The following ABI2 variants were observed in gnomAD, a reference collection of about 807,000 sequenced individuals.
ABI2 encodes abelson interactor 2.
A neutral mutation model predicts 59.2 loss-of-function variants in ABI2; 25 were observed. The observed-to-expected ratio is 0.42, with a 90% CI of 0.31 to 0.59. The LOEUF is 0.59. Among genes scored for constraint, ABI2 ranks in the 20% least tolerant of loss-of-function variants. ABI2 has a pLI of 0.14. For synonymous variants in ABI2, 213 were observed against 235.5 expected, an observed-to-expected ratio of 0.90 and a Z score of 0.87; for missense variants, 545 against 681.8, an observed-to-expected ratio of 0.80 and a Z score of 2.23.
intron 2 of ABI2, among the ~76,000 whole-genome samples, chr2:203,378,118 CTT>C (rs1454045951): frequency 7.0e-6 from 1 of 142,242 alleles, no homozygotes; most frequent in African/African-American, 2.6e-5. Context: ...CTTTTCTTTT[CTT>C]TTTTTTTTTT....
intron 1 of ABI2, among the ~76,000 whole-genome samples, chr2:203,332,553 A>C (rs2074317523): frequency 6.6e-6 from 1 of 152,168 alleles, no homozygotes; most frequent in Non-Finnish European, 1.5e-5. Context: ...TGAACCTGGG[A>C]AGCGGAGGTT....
chr2:203,408,932 G>A (rs967176991), intron 9 of ABI2, among the ~76,000 whole-genome samples: 54 of 135,436 alleles, frequency 4.0e-4, no homozygotes, highest in Non-Finnish European at 2.2e-4. Context: ...TCCGCTTCCC[G>A]GGTTCACGCC....
chr2:203,394,641 T>C lies in ABI2; in HGVS notation c.579-59T>C. 3.3e-6 allele frequency: 5 copies of C among 1,538,096 alleles called. No homozygotes were observed. In the African/African-American group the frequency reaches 4.1e-5, roughly 13 times the overall value. ...TGTATCTCAACTGCTGGCAACTCTT[T>C]GAATTTATTGTGCCGAAACTTGCTT... On this transcript the variant is annotated intron_variant, in intron 5 of 11. Transcript: ENST00000261018.
At position 203,350,889 on chromosome 2, in the gene ABI2, T is replaced by C. The variant is rs1044267271; in HGVS notation, c.118-15988T>C. Among the ~76,000 whole-genome samples the C allele has an allele frequency of 2.4e-5, 3 of 125,738 alleles. No individual in the cohort carries two copies. In the East Asian group the frequency reaches 6.2e-4, roughly 26 times the overall value. The allele number at this position is 125,738 out of a possible 152,430, so 82.5% of individuals were successfully genotyped here. ...GTGTGTGTGTGTGTGTGTGTGTGTG[T>C]GTGCGCGCGCGCATACTTTTAGGTG... On this transcript the variant is annotated intron_variant, in intron 1 of 11. Transcript: ENST00000261018.
At chr2:203,356,235 T>C (rs1306828676) in intron 1 of ABI2, among the ~76,000 whole-genome samples, 1 of 152,190 alleles carries the variant, frequency 6.6e-6, no homozygotes, top group African/African-American at 2.4e-5. Context: ...TCACCCAGGC[T>C]GGAGGGCAGT....
At chr2:203,419,870 C>T (rs183914637) in intron 11 of ABI2, among the ~76,000 whole-genome samples, 3 of 152,202 alleles carry the variant, frequency 2.0e-5, no homozygotes, top group Admixed American at 1.3e-4. Flanking sequence ...TGCCTGTAAT[C>T]CCAACTACTC....
In ABI2 at chr2:203,416,928, C is replaced by T; in HGVS notation, c.1300C>T (p.Pro434Ser). ...CTTAGTTTCAGATACACCACCTCCA[C>T]CGCCACCTGTGGAAGAACCAGTCTT... ...QENISDTPPP[P>S]PPVEEPVFDE... Residue 434 changes from proline (P) to serine (S), a missense_variant, in exon 11 of 12, where the codon CCG (proline) becomes TCG (serine). Around this residue, in one of 4 missense-constraint regions of ABI2, gnomAD observed 410 missense variants for 435.6 expected, o/e 0.94. Coordinates refer to ENST00000261018, the MANE Select transcript of ABI2 (RefSeq NM_001375670.1). The T allele has an allele frequency of 1.2e-6, 2 of 1,613,118 alleles. No individual in the cohort carries two copies. The highest frequency in any genetic ancestry group is 1.7e-6 in the Non-Finnish European group (2 of 1,179,564).
chr2:203,375,415 C>A (rs929225483), intron 2 of ABI2, among the ~76,000 whole-genome samples: 3 of 152,114 alleles, frequency 2.0e-5, no homozygotes, highest in Non-Finnish European at 4.4e-5. Context: ...TAACTAGTAA[C>A]TTAAAAAACC....
chr2:203,328,491 G>A lies in ABI2; in HGVS notation c.-24G>A, dbSNP rs2069997240. The A allele has an allele frequency of 6.4e-7, 1 of 1,562,888 alleles. No homozygotes were observed. Among genetic ancestry groups the A allele is most frequent in the African/African-American group, 1.4e-5 (1 of 72,964 alleles). ...CCGCTCCCTCTGCGACCTGTATGAG[G>A]AGGAGGAGGAGGAGGATGTGAAGAT... On this transcript the variant is annotated 5_prime_UTR_variant, in exon 1 of 12. Coordinates refer to ENST00000261018, the MANE Select transcript of ABI2 (RefSeq NM_001375670.1).
intron 1 of ABI2, among the ~76,000 whole-genome samples, chr2:203,365,364 G>A (rs1384300739): frequency 6.6e-6 from 1 of 152,058 alleles, no homozygotes; most frequent in African/African-American, 2.4e-5. Flanking sequence ...TGAATGTATT[G>A]TTTAGTCAGC....
intron 9 of ABI2, among the ~76,000 whole-genome samples, chr2:203,403,742 G>T (rs183424475): frequency 4.3e-4 from 41 of 95,280 alleles, no homozygotes; most frequent in South Asian, 1.3e-3. Context: ...CTTTCTTTCT[G>T]TTTTTTTTTT....
intron 1 of ABI2, among the ~76,000 whole-genome samples, chr2:203,358,690 A>G (rs558115738): frequency 1.4e-4 from 21 of 152,304 alleles, no homozygotes; most frequent in African/African-American, 4.6e-4. Context: ...ATCAGAAGAC[A>G]AAAGCATTCT....
At chr2:203,357,248 C>G (rs1349745150) in intron 1 of ABI2, among the ~76,000 whole-genome samples, 1 of 152,046 alleles carries the variant, frequency 6.6e-6, no homozygotes, top group Non-Finnish European at 1.5e-5. Flanking sequence ...AAATCCAGTC[C>G]TTTTAATATA....
chr2:203,355,870 C>T (rs955203891), intron 1 of ABI2, among the ~76,000 whole-genome samples: 2 of 150,334 alleles, frequency 1.3e-5, no homozygotes, highest in East Asian at 3.9e-4. Context: ...CAAGAAACCC[C>T]TGGTGTGCTG....
At chr2:203,386,311 G>A (rs1440865995) in intron 4 of ABI2, among the ~76,000 whole-genome samples, 1 of 151,738 alleles carries the variant, frequency 6.6e-6, no homozygotes, top group African/African-American at 2.4e-5. Flanking sequence ...TAAAGAGATG[G>A]GGTCTTGCTC....
In ABI2 at chr2:203,374,764, A is replaced by G. The variant is rs888100703; in HGVS notation, c.286-5444A>G. 78 of 430,106 alleles carry G rather than the reference A, an allele frequency of 1.8e-4. 1 individual carries two copies. The highest frequency in any genetic ancestry group is 1.0e-3 in the Middle Eastern group (3 of 3,000). 26.6% of individuals were successfully genotyped at this position (430,106 alleles called of 1,614,324 possible). Reference sequence around the variant, plus strand: ...GCTTACTAATAAAAAAAATTGAGACATATTTAAAAACACCCAATTTAGTTG... The same window carrying G: ...GCTTACTAATAAAAAAAATTGAGACGTATTTAAAAACACCCAATTTAGTTG... On this transcript the variant is annotated intron_variant, in intron 2 of 11. Coordinates refer to ENST00000261018, the MANE Select transcript of ABI2 (RefSeq NM_001375670.1).
At chr2:203,358,529 A>C (rs1397315059) in intron 1 of ABI2, among the ~76,000 whole-genome samples, 1 of 152,166 alleles carries the variant, frequency 6.6e-6, no homozygotes, top group African/African-American at 2.4e-5. Flanking sequence ...AACAGGAATC[A>C]CTGGAATCAG....
intron 1 of ABI2, among the ~76,000 whole-genome samples, chr2:203,340,178 A>T (rs1310732083): frequency 6.6e-6 from 1 of 152,214 alleles, no homozygotes; most frequent in African/African-American, 2.4e-5. Context: ...AGATGAACCC[A>T]TAGAATGAAG....
chr2:203,361,087 A>G (rs953488589), intron 1 of ABI2, among the ~76,000 whole-genome samples: 8 of 152,206 alleles, frequency 5.3e-5, no homozygotes, highest in Non-Finnish European at 1.2e-4. Context: ...AGATCTGAAT[A>G]TATGTGTCTG....
Sources: allele counts gnomAD v4.1 joint callset (sites outside exome capture counted in the v4.1 genomes callset), GRCh38; gene constraint gnomAD v4.1.1; regional missense constraint gnomAD v4.1.1; transcripts MANE v1.5; gene names NCBI Gene and HGNC (gene_info 2026-07-23, HGNC 2026-07-21).